The following HEATR5A variants were observed in gnomAD, a reference collection of about 807,000 sequenced individuals.
The protein encoded by HEATR5A is HEAT repeat containing 5A.
HEATR5A carries 178 observed loss-of-function variants against 218.8 expected under a neutral mutation model. The ratio of observed to expected loss-of-function variants is 0.81; its 90% CI spans 0.72 to 0.92. The LOEUF is 0.92. Among genes scored for constraint, HEATR5A ranks in the 40% least tolerant of loss-of-function variants. HEATR5A has a pLI of 0.00. For synonymous variants in HEATR5A, 864 were observed against 871.6 expected (o/e 0.99, Z 0.15); for missense variants, 2,420 against 2,418.9 (o/e 1.00, Z -0.01).
chr14:31,351,518 A>C (rs536231922), intron 16 of HEATR5A, among the ~76,000 whole-genome samples: 1 of 152,172 alleles, frequency 6.6e-6, no homozygotes, highest in Non-Finnish European at 1.5e-5. Flanking sequence ...GAAAAAAAAA[A>C]AAACAATAAA....
chr14:31,295,325 A>G (rs1195780370), intron 34 of HEATR5A: 3 of 152,182 alleles, frequency 2.0e-5, no homozygotes, highest in Admixed American at 2.0e-4. Flanking sequence ...GGCTCACTGC[A>G]GCCTCAAGGT....
At chr14:31,415,603 C>T (rs1384242373) in intron 1 of HEATR5A, among the ~76,000 whole-genome samples, 2 of 152,110 alleles carry the variant, frequency 1.3e-5, no homozygotes, top group African/African-American at 2.4e-5. Flanking sequence ...GGATTTTGTA[C>T]GTGTATATCT....
intron 4 of HEATR5A, among the ~76,000 whole-genome samples, chr14:31,395,787 A>C (rs904681065): frequency 6.6e-6 from 1 of 152,222 alleles, no homozygotes; most frequent in South Asian, 2.1e-4. Flanking sequence ...TGAGTCATAC[A>C]CACAAAGTGC....
chr14:31,302,749 T>G (rs1295513696), intron 32 of HEATR5A: 11 of 481,682 alleles, frequency 2.3e-5, no homozygotes, highest in Middle Eastern at 1.2e-3. Flanking sequence ...ATTGTGTGAG[T>G]ATCATTATGC....
chr14:31,321,833 T>C (rs1182926947), intron 24 of HEATR5A, among the ~76,000 whole-genome samples, 153 bp from the exon 25 acceptor site: 1 of 152,180 alleles, frequency 6.6e-6, no homozygotes, highest in Non-Finnish European at 1.5e-5. Context: ...ATAGAGACTT[T>C]AAAGCTGGAT....
At chr14:31,409,678 C>A (rs1459119977) in intron 1 of HEATR5A, among the ~76,000 whole-genome samples, 1 of 152,120 alleles carries the variant, frequency 6.6e-6, no homozygotes, top group Non-Finnish European at 1.5e-5. Context: ...CCAGCCTCAG[C>A]AAGACCCTGT....
In HEATR5A at chr14:31,323,574, C is replaced by G. The variant is rs1555367422; in HGVS notation, c.3778G>C (p.Asp1260His). The change falls in exon 24 of 36, where the codon GAT becomes CAT. Residue 1260 changes from aspartate (D) to histidine (H), a missense_variant. By Grantham distance (81) the Asp-to-His change is moderately conservative. Transcript: ENST00000543095. ...IALAQEMKKRDSRNDFLVLHL... is the reference protein window; with the variant it reads ...IALAQEMKKRHSRNDFLVLHL... ...TCACTATGTCACTTACTTCTTGAATCTCTTTTTTTCATTTCTTGTGCTAAA... is the reference window on the plus strand; with the variant it reads ...TCACTATGTCACTTACTTCTTGAATGTCTTTTTTTCATTTCTTGTGCTAAA... 1.3e-6 allele frequency: 2 copies of G among 1,597,584 alleles called. No individual in the cohort carries two copies. Among genetic ancestry groups the G allele is most frequent in the East Asian group, 2.2e-5 (1 of 44,552 alleles).
chr14:31,419,342 T>G (rs556724242), intron 1 of HEATR5A, among the ~76,000 whole-genome samples: 1 of 152,214 alleles, frequency 6.6e-6, no homozygotes, highest in African/African-American at 2.4e-5. Flanking sequence ...ATACTTTATC[T>G]AAAATTACTT....
At chr14:31,374,765 G>A in intron 12 of HEATR5A, 51 bp downstream of exon 12, 1 of 1,526,260 alleles carries the variant, frequency 6.6e-7, no homozygotes. Context: ...AAAGACAAAG[G>A]GTGGGTAAAA....
intron 6 of HEATR5A, among the ~76,000 whole-genome samples, chr14:31,390,929 G>A (rs2030427749): frequency 1.3e-5 from 2 of 152,110 alleles, no homozygotes; most frequent in Admixed American, 1.3e-4. Flanking sequence ...GCTATTACAG[G>A]AGATAACAGC....
intron 34 of HEATR5A, among the ~76,000 whole-genome samples, chr14:31,294,509 A>G (rs1249192059): frequency 6.7e-6 from 1 of 149,806 alleles, no homozygotes; most frequent in East Asian, 2.0e-4. Context: ...TCCTGTGTTC[A>G]AGTGATTCTC....
intron 13 of HEATR5A, among the ~76,000 whole-genome samples, chr14:31,370,225 C>CAAAAA (rs572866314): frequency 9.3e-6 from 1 of 107,136 alleles, no homozygotes; most frequent in African/African-American, 3.4e-5. Flanking sequence ...GACTACGTCT[C>CAAAAA]AAAAAAAAAA....
intron 1 of HEATR5A, among the ~76,000 whole-genome samples, chr14:31,409,878 C>T (rs1482412865): frequency 6.6e-6 from 1 of 152,150 alleles, no homozygotes; most frequent in African/African-American, 2.4e-5. Flanking sequence ...CTAGAGTTTA[C>T]AGGTCTATTT....
chr14:31,355,323 G>C (rs1017091181), intron 16 of HEATR5A, among the ~76,000 whole-genome samples: 4 of 152,178 alleles, frequency 2.6e-5, no homozygotes, highest in African/African-American at 9.7e-5. Context: ...CGAGGCAGGA[G>C]AATCACTTGA....
At position 31,383,749 on chromosome 14, in the gene HEATR5A, T is replaced by G. The variant is rs752375094; in HGVS notation, c.1368A>C (p.Ser456=). The G allele has an allele frequency of 1.9e-6, 3 of 1,613,260 alleles. No individual in the cohort carries two copies. Among genetic ancestry groups the G allele is most frequent in the Non-Finnish European group, 1.7e-6 (2 of 1,179,640 alleles). ...SSTGLLDSIL[S]VILHPSISVR... Reference sequence around the variant, plus strand: ...CAGAAATGCTAGGATGAAGAATAACTGACAAGATACTGTCAAGGAGACCTG... The same window carrying G: ...CAGAAATGCTAGGATGAAGAATAACGGACAAGATACTGTCAAGGAGACCTG... Residue 456 remains serine (S), a synonymous_variant, in exon 10 of 36, where the codon TCA becomes TCC. Coordinates refer to ENST00000543095, the MANE Select transcript of HEATR5A (RefSeq NM_015473.4).
At chr14:31,379,401 C>A (rs2029893830) in intron 11 of HEATR5A, among the ~76,000 whole-genome samples, 1 of 151,932 alleles carries the variant, frequency 6.6e-6, no homozygotes, top group Non-Finnish European at 1.5e-5. Context: ...CAGGCATGCA[C>A]CACCATGCCC....
intron 12 of HEATR5A, among the ~76,000 whole-genome samples, chr14:31,372,209 A>C (rs1225814056): frequency 3.3e-5 from 5 of 151,998 alleles, no homozygotes; most frequent in African/African-American, 1.2e-4. Flanking sequence ...AAAAAAAAAA[A>C]AAAACCAGCT....
At chr14:31,353,282 T>C (rs1034437218) in intron 16 of HEATR5A, among the ~76,000 whole-genome samples, 5 of 152,182 alleles carry the variant, frequency 3.3e-5, no homozygotes, top group African/African-American at 1.2e-4. Flanking sequence ...TATCAGGGAT[T>C]TTCCCATCTT....
rs1184776090 is a variant in HEATR5A, at chr14:31,321,481, C to G, written c.3969+18G>C. On this transcript the variant is annotated intron_variant, in intron 25 of 35. Transcript: ENST00000543095. ...TCTGTGTGTTTAATAATAAAATTCT[C>G]TAAAAGAAAGTGCTTACATTGGCTT... 4 of 1,546,358 alleles carry G rather than the reference C, an allele frequency of 2.6e-6. No individual in the cohort carries two copies. Among genetic ancestry groups the G allele is most frequent in the Non-Finnish European group, 3.5e-6 (4 of 1,143,488 alleles).
Sources: gnomAD v4.1 joint callset for allele counts (sites outside exome capture counted in the v4.1 genomes callset) on GRCh38, gnomAD v4.1.1 for gene constraint, MANE v1.5 for transcripts, NCBI Gene and HGNC (gene_info 2026-07-23, HGNC 2026-07-21) for gene names.